Variants in YARS1 observed in about 807,000 individuals in gnomAD.
YARS1 encodes tyrosyl-tRNA synthetase 1.
In YARS1, 36 loss-of-function variants were observed where a neutral mutation model predicts 62.2. The ratio of observed to expected loss-of-function variants is 0.58; its 90% confidence interval spans 0.44 to 0.76. The LOEUF is 0.76. YARS1 is among the 30% of genes least tolerant of loss of function. The pLI is 0.00. For missense variants in YARS1, 524 were observed against 639.8 expected, an observed-to-expected ratio of 0.82 and a Z score of 1.95; for synonymous variants, 234 against 244.9, an observed-to-expected ratio of 0.96 and a Z score of 0.42.
chr1:32,795,756 A>G (rs1653562123), intron 5 of YARS1, among the ~76,000 whole-genome samples: 2 of 151,492 alleles, frequency 1.3e-5, no homozygotes, highest in African/African-American at 4.9e-5. Flanking sequence ...CAGTGAGCCA[A>G]GATTGTGCCA....
In YARS1 at chr1:32,802,030, C is replaced by A. The variant is rs1460220534; in HGVS notation, c.511-4187G>T. On this transcript the variant is annotated intron_variant, in intron 4 of 12. Coordinates refer to ENST00000373477, the MANE Select transcript of YARS1 (RefSeq NM_003680.4). Reference sequence around the variant, plus strand: ...TGGCGGGATCTCGGCTCACTGCAAGCTCCGCCTCCCGGGTTCACGCCATTC... The same window carrying A: ...TGGCGGGATCTCGGCTCACTGCAAGATCCGCCTCCCGGGTTCACGCCATTC... 6.1e-4 allele frequency among the ~76,000 whole-genome samples: 90 copies of A among 146,656 alleles called. 1 individual carries two copies. Among genetic ancestry groups the A allele is most frequent in the African/African-American group, 2.0e-3 (79 of 39,902 alleles).
At chr1:32,805,920 C>T (rs1007806302) in intron 4 of YARS1, among the ~76,000 whole-genome samples, 2 of 152,130 alleles carry the variant, frequency 1.3e-5, no homozygotes, top group African/African-American at 4.8e-5. Flanking sequence ...CGAGATTTCG[C>T]CACTGCACTC....
intron 3 of YARS1, among the ~76,000 whole-genome samples, chr1:32,808,970 C>T (rs1386949229): frequency 6.6e-6 from 1 of 152,030 alleles, no homozygotes; most frequent in Non-Finnish European, 1.5e-5. Flanking sequence ...TTATCATATA[C>T]CAGGGGTTCC....
At position 32,776,339 on chromosome 1, in the gene YARS1, G is replaced by A. The variant is rs1031853452; in HGVS notation, c.1477-248C>T. On this transcript the variant is annotated intron_variant, in intron 12 of 12. Transcript: ENST00000373477. This position sits in a 1 kb window ranked among gnomAD's most constrained non-coding sequence, Gnocchi z 4.0. ...ATTTTGTACTTTTAGTAGACACGGG[G>A]TTTCTCCATGTTGGTCAGGCTGGTC... Among the ~76,000 whole-genome samples the A allele has an allele frequency of 1.3e-5, 2 of 152,042 alleles. No individual in the cohort carries two copies. Among genetic ancestry groups the A allele is most frequent in the Non-Finnish European group, 2.9e-5 (2 of 68,018 alleles).
At chr1:32,798,585 C>G (rs2148610689) in intron 4 of YARS1, among the ~76,000 whole-genome samples, 1 of 152,248 alleles carries the variant, frequency 6.6e-6, no homozygotes, top group South Asian at 2.1e-4. Flanking sequence ...GCCTGTAATC[C>G]CAGCACTTTG....
intron 12 of YARS1, 27 bp downstream of exon 12, chr1:32,779,355 A>C (rs1430704745): frequency 1.2e-6 from 2 of 1,614,200 alleles, no homozygotes; most frequent in African/African-American, 2.7e-5. Context: ...AGCCCAGCCA[A>C]GAAAGGGAAC....
Position 32,782,636 on chromosome 1 carries a change from G to C in YARS1, c.907-97C>G, listed in dbSNP as rs1003108484. 4 of 1,520,284 alleles carry C rather than the reference G, an allele frequency of 2.6e-6. No homozygotes were observed. In the African/African-American group the frequency reaches 5.5e-5, roughly 21 times the overall value. The allele number at this position is 1,520,284 out of a possible 1,614,324, so 94.2% of individuals were successfully genotyped here. On this transcript the variant is annotated intron_variant, in intron 8 of 12. Coordinates refer to ENST00000373477, the MANE Select transcript of YARS1 (RefSeq NM_003680.4). ...AGGATCAAGGGAGTTTTTCCCAACA[G>C]TCTTATTTGATCCTTGTGATAATCT...
rs34213904 is a variant in YARS1 at position 32,781,131 on chromosome 1, C to CT, written c.1056dup (p.Gly353ArgfsTer41). 1.9e-6 allele frequency: 3 copies of CT among 1,614,108 alleles called. No homozygotes were observed. The highest frequency in any genetic ancestry group is 1.3e-5 in the African/African-American group (1 of 75,046). ...TCTGGTTCTGAATTCTTGGCAGGGC[C>CT]TTTGGCCATTGGCTCTGGGAATGAG... On this transcript the variant is annotated frameshift_variant, in exon 10 of 13. Coordinates refer to ENST00000373477, the MANE Select transcript of YARS1 (RefSeq NM_003680.4). LOFTEE classifies it high-confidence loss of function.
At position 32,797,027 on chromosome 1, in the gene YARS1, TATATATATATATATATATATATAG is replaced by T. The variant is rs1229914976; in HGVS notation, c.591+712_591+735del. Among the ~76,000 whole-genome samples the T allele has an allele frequency of 6.4e-4, 36 of 56,232 alleles. 1 individual carries two copies. Among genetic ancestry groups the T allele is most frequent in the African/African-American group, 2.7e-3 (35 of 12,902 alleles). 36.9% of individuals were successfully genotyped at this position (56,232 alleles called of 152,430 possible). A position where few individuals can be genotyped will look rare whatever the true frequency, so the allele number is the denominator to read the frequency against. ...ATATATATATATATATATATATATA[TATATATATATATATATATATATAG>T]TAAGCATTTCTGTATTCATTAACTA... is the stretch of plus-strand genomic sequence containing the variant. On this transcript the variant is annotated intron_variant, in intron 5 of 12. Transcript: ENST00000373477.
At chr1:32,779,120 G>A (rs1299135428) in intron 12 of YARS1, among the ~76,000 whole-genome samples, 1 of 152,140 alleles carries the variant, frequency 6.6e-6, no homozygotes, top group Non-Finnish European at 1.5e-5. Flanking sequence ...TCCTATTACA[G>A]ACTGAAGATC....
At chr1:32,802,736 C>T (rs1355023883) in intron 4 of YARS1, among the ~76,000 whole-genome samples, 1 of 152,126 alleles carries the variant, frequency 6.6e-6, no homozygotes, top group Non-Finnish European at 1.5e-5. Flanking sequence ...TTAAAATGCT[C>T]AGTAAATCAT....
At chr1:32,806,974 A>T (rs867790826) in intron 3 of YARS1, among the ~76,000 whole-genome samples, 7 of 152,204 alleles carry the variant, frequency 4.6e-5, no homozygotes, top group African/African-American at 1.7e-4. Flanking sequence ...AAAAGAAATC[A>T]CAGAAGCTAA....
intron 12 of YARS1, among the ~76,000 whole-genome samples, chr1:32,778,635 C>T (rs1386342731): frequency 6.6e-6 from 1 of 151,718 alleles, no homozygotes; most frequent in Non-Finnish European, 1.5e-5. Context: ...TCTCGATCTC[C>T]TGACCTCATG....
At chr1:32,811,860 G>A (rs2148617118) in intron 1 of YARS1, among the ~76,000 whole-genome samples, 1 of 152,212 alleles carries the variant, frequency 6.6e-6, no homozygotes, top group Non-Finnish European at 1.5e-5. Context: ...GCCTGCAGCA[G>A]CTACCCGTAA....
At chr1:32,793,098 G>A (rs1327368620) in intron 5 of YARS1, among the ~76,000 whole-genome samples, 1 of 152,030 alleles carries the variant, frequency 6.6e-6, no homozygotes, top group Non-Finnish European at 1.5e-5. Context: ...AGACACGATT[G>A]ATAAACTTGA....
intron 8 of YARS1, among the ~76,000 whole-genome samples, chr1:32,785,017 G>C (rs1156858206): frequency 6.6e-6 from 1 of 152,158 alleles, no homozygotes; most frequent in Non-Finnish European, 1.5e-5. Context: ...CATTTTTGCT[G>C]AGTTAGGTCC....
At chr1:32,797,597 G>T in intron 5 of YARS1, 166 bp downstream of exon 5, 1 of 672,608 alleles carries the variant, frequency 1.5e-6, no homozygotes, top group Non-Finnish European at 2.7e-6. Flanking sequence ...CTAACTGTGT[G>T]ATATTGGACA....
chr1:32,796,355 TA>T (rs77033253), intron 5 of YARS1, among the ~76,000 whole-genome samples: 20,680 of 149,238 alleles, frequency 0.14, 1,751 homozygotes, highest in South Asian at 0.23. Flanking sequence ...AAAATGTATT[TA>T]TTTTTTTCTT....
intron 3 of YARS1, among the ~76,000 whole-genome samples, chr1:32,807,366 T>G (rs567559915): frequency 1.3e-5 from 2 of 152,304 alleles, no homozygotes; most frequent in South Asian, 2.1e-4. Context: ...CCAGTTACAT[T>G]AGGACATTCA....
Sources: gnomAD v4.1 joint callset for allele counts (sites outside exome capture counted in the v4.1 genomes callset) on GRCh38, gnomAD v4.1.1 for gene constraint, Gnocchi (gnomAD v3.1) non-coding constraint, MANE v1.5 for transcripts, NCBI Gene and HGNC (gene_info 2026-07-23, HGNC 2026-07-21) for gene names.